Variants in MCHR2 observed in about 807,000 individuals in gnomAD.
The protein encoded by MCHR2 is melanin concentrating hormone receptor 2.
In MCHR2, 15 loss-of-function variants were observed where a neutral mutation model predicts 24.8. That is an observed-to-expected ratio of 0.60 (90% confidence interval 0.40 to 0.93). The LOEUF is 0.93. Among genes scored for constraint, MCHR2 ranks in the 40% least tolerant of loss-of-function variants. MCHR2 has a pLI of 0.00. For synonymous variants in MCHR2, 151 were observed against 147.6 expected (o/e 1.02, Z -0.17); for missense variants, 386 against 408.7 (o/e 0.94, Z 0.48).
At chr6:99,964,415 G>A (rs1368151623) in intron 1 of MCHR2, among the ~76,000 whole-genome samples, 1 of 152,076 alleles carries the variant, frequency 6.6e-6, no homozygotes, top group East Asian at 1.9e-4. Context: ...AATTTATAAA[G>A]GAAAGAGGTT....
chr6:99,931,751 T>G (rs1385714037), intron 5 of MCHR2, among the ~76,000 whole-genome samples: 1 of 152,148 alleles, frequency 6.6e-6, no homozygotes, highest in Non-Finnish European at 1.5e-5. Context: ...ACCCCTTTCT[T>G]TGACTAGGAA....
In MCHR2 at chr6:99,920,242, T is replaced by A. The variant is rs971947206; in HGVS notation, c.*698A>T. Reference sequence around the variant, plus strand: ...TTACTGGGTTCTCCAGTATGATAAGTAAAGGTTGTCAAGGTCGTGCAGTAG... The same window carrying A: ...TTACTGGGTTCTCCAGTATGATAAGAAAAGGTTGTCAAGGTCGTGCAGTAG... On this transcript the variant is annotated 3_prime_UTR_variant, in exon 6 of 6. Transcript: ENST00000281806. 15 of 152,160 alleles carry A rather than the reference T, an allele frequency of 9.9e-5. No individual in the cohort carries two copies. Among genetic ancestry groups the A allele is most frequent in the African/African-American group, 3.6e-4 (15 of 41,428 alleles). The allele number at this position is 152,160 out of a possible 1,614,324, so 9.4% of individuals were successfully genotyped here. A position where few individuals can be genotyped will look rare whatever the true frequency, so the allele number is the denominator to read the frequency against.
At chr6:99,933,498 C>A (rs1408608298) in intron 5 of MCHR2, among the ~76,000 whole-genome samples, 4 of 152,058 alleles carry the variant, frequency 2.6e-5, no homozygotes, top group African/African-American at 9.7e-5. Context: ...ATGGACCACA[C>A]TTTACTAGTG....
intron 4 of MCHR2, among the ~76,000 whole-genome samples, chr6:99,937,520 G>A (rs776567310): frequency 1.3e-5 from 2 of 151,890 alleles, no homozygotes; most frequent in African/African-American, 2.4e-5. Flanking sequence ...ATTGATTTGT[G>A]TATGGTGAAC....
intron 5 of MCHR2, among the ~76,000 whole-genome samples, chr6:99,927,951 C>T (rs190858823): frequency 0.031 from 4,676 of 152,186 alleles, 204 homozygotes; most frequent in East Asian, 0.12. Flanking sequence ...TTTGCCCATT[C>T]AGTATGATAT....
intron 4 of MCHR2, among the ~76,000 whole-genome samples, chr6:99,938,175 GT>G (rs1188747430): frequency 6.6e-6 from 1 of 151,646 alleles, no homozygotes; most frequent in East Asian, 1.9e-4. Context: ...ATCGTCTGTA[GT>G]TTTTTTAGTC....
intron 1 of MCHR2, among the ~76,000 whole-genome samples, chr6:99,973,881 A>G (rs1775490467): frequency 6.6e-6 from 1 of 152,220 alleles, no homozygotes. Context: ...AATGTTAAAT[A>G]TTGGCCCCCA....
chr6:99,949,618 A>C (rs1337712137), intron 2 of MCHR2, among the ~76,000 whole-genome samples: 3 of 152,150 alleles, frequency 2.0e-5, no homozygotes, highest in Non-Finnish European at 4.4e-5. Flanking sequence ...AGGCCTTGGC[A>C]GCATCCACTG....
chr6:99,990,844 T>C (rs1273763028), intron 1 of MCHR2, among the ~76,000 whole-genome samples: 1 of 150,636 alleles, frequency 6.6e-6, no homozygotes, highest in Non-Finnish European at 1.5e-5. Flanking sequence ...GGCCTCAGTA[T>C]CCACCTCTCC....
intron 1 of MCHR2, among the ~76,000 whole-genome samples, chr6:99,988,978 C>T (rs1368755071): frequency 6.6e-6 from 1 of 152,178 alleles, no homozygotes; most frequent in Non-Finnish European, 1.5e-5. Flanking sequence ...GCCTGAATGT[C>T]TCCATGAGCT....
rs752531079 is a variant in MCHR2 at position 99,920,970 on chromosome 6, A to G, written c.993T>C (p.Asn331=). 6 of 1,614,134 alleles carry G rather than the reference A, an allele frequency of 3.7e-6. No homozygotes were observed. The highest frequency in any genetic ancestry group is 2.2e-5 in the East Asian group (1 of 44,888). ...QRRATEKEIN[N]MGNTLKSHF Reference sequence around the variant, plus strand: ...AGTGTGATTTCAGAGTGTTTCCCATATTGTTGATTTCCTTCTCAGTCGCTC... The same window carrying G: ...AGTGTGATTTCAGAGTGTTTCCCATGTTGTTGATTTCCTTCTCAGTCGCTC... The change falls in exon 6 of 6, where the codon AAT becomes AAC. Residue 331 remains asparagine (N), a synonymous_variant. Transcript: ENST00000281806.
At chr6:99,981,013 A>G (rs1775659976) in intron 1 of MCHR2, among the ~76,000 whole-genome samples, 1 of 152,216 alleles carries the variant, frequency 6.6e-6, no homozygotes, top group Non-Finnish European at 1.5e-5. Context: ...AAATCCTTAG[A>G]TAATCTTCAT....
rs370720211 is a variant in MCHR2, at chr6:99,923,655, T to C, written c.708-2400A>G. On this transcript the variant is annotated intron_variant, in intron 5 of 5. Transcript: ENST00000281806. The stretch of plus-strand genomic sequence containing the variant: ...CAGCATTTGATATTTCTATTTATTA[T>C]ATTGAATTTAAATGATCATATGTTG... Among the ~76,000 whole-genome samples the C allele has an allele frequency of 3.7e-4, 57 of 152,134 alleles. 1 individual carries two copies. The South Asian group carries it at 0.011, about 30-fold the overall frequency.
chr6:99,927,317 G>A (rs1430294237), intron 5 of MCHR2, among the ~76,000 whole-genome samples: 6 of 152,062 alleles, frequency 3.9e-5, no homozygotes, highest in South Asian at 2.1e-4. Flanking sequence ...TTGGCGATGT[G>A]GGCTCTTTTT....
At chr6:99,923,369 G>A (rs536681384) in intron 5 of MCHR2, among the ~76,000 whole-genome samples, 3 of 151,940 alleles carry the variant, frequency 2.0e-5, no homozygotes, top group Admixed American at 6.6e-5. Flanking sequence ...TTTCCAATTC[G>A]GATGTCCTTT....
intron 2 of MCHR2, among the ~76,000 whole-genome samples, chr6:99,948,510 C>A (rs1774915219): frequency 6.6e-6 from 1 of 152,098 alleles, no homozygotes; most frequent in African/African-American, 2.4e-5. Context: ...CGCAGCCAAG[C>A]CTTCAGATAA....
At chr6:99,954,053 T>C (rs1188583852) in intron 2 of MCHR2, among the ~76,000 whole-genome samples, 2 of 152,120 alleles carry the variant, frequency 1.3e-5, no homozygotes, top group Non-Finnish European at 2.9e-5. Context: ...TGAGGGCTCC[T>C]CTTGCTCTCA....
At chr6:99,954,381 C>G (rs937648210) in intron 2 of MCHR2, among the ~76,000 whole-genome samples, 3 of 151,974 alleles carry the variant, frequency 2.0e-5, no homozygotes, top group Admixed American at 6.6e-5. Context: ...GTTGGGCATC[C>G]CTAACTTGAA....
chr6:99,991,808 C>CAAAAAAAAAAAAAAA (rs3038469), intron 1 of MCHR2, among the ~76,000 whole-genome samples: 7 of 82,068 alleles, frequency 8.5e-5, no homozygotes, highest in Non-Finnish European at 1.4e-4. Context: ...GACTCCGTCT[C>CAAAAAAAAAAAAAAA]AAAAAAAAAA....
Sources: allele counts gnomAD v4.1 joint callset (sites outside exome capture counted in the v4.1 genomes callset), GRCh38; gene constraint gnomAD v4.1.1; transcripts MANE v1.5; gene names NCBI Gene and HGNC (gene_info 2026-07-23, HGNC 2026-07-21).